Variants in YEATS2 observed in about 807,000 individuals in gnomAD.
YEATS2 encodes the protein YEATS domain-containing protein 2.
YEATS2 carries 77 observed loss-of-function variants against 163.2 expected under a neutral mutation model. The ratio of observed to expected loss-of-function variants is 0.47; its 90% confidence interval spans 0.39 to 0.57. YEATS2 has a LOEUF of 0.57. YEATS2 is among the 20% of genes least tolerant of loss of function. The pLI is 0.00. For synonymous variants in YEATS2, 631 were observed against 645.1 expected (o/e 0.98, Z 0.33); for missense variants, 1,549 against 1,729.8 (o/e 0.90, Z 1.85).
intron 27 of YEATS2, among the ~76,000 whole-genome samples, chr3:183,805,051 C>T (rs1271052987): frequency 6.6e-6 from 1 of 150,514 alleles, no homozygotes; most frequent in Non-Finnish European, 1.5e-5. Context: ...GGTGTAGGAG[C>T]AAGGGATTAA....
intron 19 of YEATS2, among the ~76,000 whole-genome samples, chr3:183,781,696 T>G (rs768025623): frequency 5.3e-4 from 81 of 152,096 alleles, no homozygotes; most frequent in Admixed American, 6.6e-4. Context: ...GCATAGATCA[T>G]AAGCGTAGAT....
Position 183,718,561 on chromosome 3 carries a change from A to G in YEATS2, c.260A>G (p.Tyr87Cys), listed in dbSNP as rs763963709. The G allele has an allele frequency of 3.7e-6, 6 of 1,613,450 alleles. No homozygotes were observed. Among genetic ancestry groups the G allele is most frequent in the South Asian group, 3.3e-5 (3 of 90,908 alleles). Reference protein sequence around the residue: ...KLRACIVANYYASAGLLKVSE... With the variant: ...KLRACIVANYCASAGLLKVSE... ...CGTGCCTGCATTGTAGCAAACTACT[A>G]TGCTTCTGCAGGTCTTCTAAAAGTT... Residue 87 changes from tyrosine to cysteine, a missense_variant, in exon 4 of 31, where the codon TAT becomes TGT. Coordinates refer to ENST00000305135, the MANE Select transcript of YEATS2 (RefSeq NM_018023.5).
At position 183,791,449 on chromosome 3, in the gene YEATS2, A is replaced by G. The variant is rs949803981; in HGVS notation, c.3097+469A>G. ...GATGAATTATTTTTGTTTAAAATCT[A>G]CGTATCAGATTTTGTCTGAGACTTT... On this transcript the variant is annotated intron_variant, in intron 21 of 30. Coordinates refer to ENST00000305135, the MANE Select transcript of YEATS2 (RefSeq NM_018023.5). Among the ~76,000 whole-genome samples, 16 of 152,356 alleles carry G rather than the reference A, an allele frequency of 1.1e-4. No individual in the cohort carries two copies. The East Asian group carries it at 2.5e-3, about 24-fold the overall frequency.
chr3:183,752,552 A>AC (rs1334530130), intron 10 of YEATS2, among the ~76,000 whole-genome samples: 1 of 151,682 alleles, frequency 6.6e-6, no homozygotes, highest in Non-Finnish European at 1.5e-5. Flanking sequence ...TACTAAAAAT[A>AC]CAAAAATTTA....
intron 12 of YEATS2, 62 bp from the exon 13 acceptor site, chr3:183,758,800 C>T: frequency 4.3e-6 from 5 of 1,160,602 alleles, no homozygotes; most frequent in Admixed American, 2.2e-5. Flanking sequence ...GGTAGAAATG[C>T]TTTAAAATTA....
chr3:183,746,183 C>T (rs1013375161), intron 8 of YEATS2, among the ~76,000 whole-genome samples: 3 of 152,200 alleles, frequency 2.0e-5, no homozygotes, highest in Admixed American at 6.5e-5. Flanking sequence ...CTGCGTCAGC[C>T]TCCTGAGTAG....
At chr3:183,761,724 C>T (rs376355377) in intron 14 of YEATS2, 110 bp downstream of exon 14, 12 of 1,000,466 alleles carry the variant, frequency 1.2e-5, no homozygotes, top group African/African-American at 4.8e-5. Flanking sequence ...GTCTCAACTC[C>T]TCATTCTGAG....
rs780416560 is a variant in YEATS2 at position 183,809,088 on chromosome 3, C to G, written c.4087-9C>G. 3.1e-6 allele frequency: 5 copies of G among 1,614,008 alleles called. No individual in the cohort carries two copies. In the South Asian group the frequency reaches 5.5e-5, roughly 18 times the overall value. On this transcript the variant is annotated splice_polypyrimidine_tract_variant and intron_variant, in intron 29 of 30. Transcript: ENST00000305135. The stretch of plus-strand genomic sequence containing the variant: ...GCCATTTGAAGAATAACAGCATCTT[C>G]CATTGTAGGCTACAGAACAGCTGGT...
At chr3:183,773,546 TAAG>T in intron 16 of YEATS2, 84 bp from the exon 17 acceptor site, 5 of 1,331,496 alleles carry the variant, frequency 3.8e-6, no homozygotes, top group Non-Finnish European at 5.1e-6. Context: ...TGTTCTAAAA[TAAG>T]AATTTATTGC....
intron 1 of YEATS2, among the ~76,000 whole-genome samples, chr3:183,708,117 CTAATT>C (rs1714808007): frequency 6.7e-6 from 1 of 149,630 alleles, no homozygotes; most frequent in African/African-American, 2.5e-5. Flanking sequence ...TTTCAAGTGT[CTAATT>C]TATCAGATTT....
At chr3:183,719,772 A>G (rs1230886030) in intron 4 of YEATS2, among the ~76,000 whole-genome samples, 2 of 151,936 alleles carry the variant, frequency 1.3e-5, no homozygotes, top group Non-Finnish European at 2.9e-5. Context: ...CCAACTCCAC[A>G]TAGCCTCCAC....
intron 2 of YEATS2, among the ~76,000 whole-genome samples, chr3:183,716,975 C>T (rs751250574): frequency 1.3e-5 from 2 of 151,980 alleles, no homozygotes; most frequent in Non-Finnish European, 2.9e-5. Context: ...TCACTGCCAC[C>T]TCTGCCTCCC....
chr3:183,797,726 T>G (rs778575761), intron 21 of YEATS2, among the ~76,000 whole-genome samples, 197 bp from the exon 22 acceptor site: 6 of 152,080 alleles, frequency 3.9e-5, no homozygotes, highest in Non-Finnish European at 8.8e-5. Flanking sequence ...AAAAAGTAAA[T>G]AAACAATTAT....
intron 8 of YEATS2, among the ~76,000 whole-genome samples, chr3:183,741,197 C>T (rs1046083958): frequency 1.3e-5 from 2 of 152,030 alleles, no homozygotes; most frequent in Non-Finnish European, 2.9e-5. Flanking sequence ...CCTCAGCCTC[C>T]CAAAGTGCTG....
At position 183,806,811 on chromosome 3, in the gene YEATS2, A is replaced by C. The variant is rs2108535972; in HGVS notation, c.3785-55A>C. 2.5e-6 allele frequency: 4 copies of C among 1,591,510 alleles called. No homozygotes were observed. The South Asian group carries it at 4.5e-5, about 18-fold the overall frequency. ...AGACCATGGGTCTCTTGGAGACGGAAAGTCCTCTTCCGTTGGCCCCACAGC... is the reference window on the plus strand; with the variant it reads ...AGACCATGGGTCTCTTGGAGACGGACAGTCCTCTTCCGTTGGCCCCACAGC... On this transcript the variant is annotated intron_variant, in intron 27 of 30. Transcript: ENST00000305135.
chr3:183,720,385 T>G (rs1716367820), intron 4 of YEATS2, among the ~76,000 whole-genome samples: 1 of 152,240 alleles, frequency 6.6e-6, no homozygotes, highest in Non-Finnish European at 1.5e-5. Flanking sequence ...TTTTTTTCTC[T>G]TTTTACTTTC....
chr3:183,772,375 A>C lies in YEATS2; in HGVS notation c.2018A>C (p.Gln673Pro). The change falls in exon 16 of 31, where the codon CAG becomes CCG. Residue 673 changes from glutamine to proline, a missense_variant. Coordinates refer to ENST00000305135, the MANE Select transcript of YEATS2 (RefSeq NM_018023.5). ...VKQAVAISGGQILVAKASSSV... is the reference protein window; with the variant it reads ...VKQAVAISGGPILVAKASSSV... Reference sequence around the variant, plus strand: ...CAGGCTGTGGCGATCAGTGGTGGCCAGATCCTGGTAGCCAAGGCCAGCTCT... The same window carrying C: ...CAGGCTGTGGCGATCAGTGGTGGCCCGATCCTGGTAGCCAAGGCCAGCTCT... The C allele has an allele frequency of 6.2e-7, 1 of 1,614,236 alleles. No individual in the cohort carries two copies. Among genetic ancestry groups the C allele is most frequent in the East Asian group, 2.2e-5 (1 of 44,884 alleles).
chr3:183,755,900 C>G (rs1341168647), intron 11 of YEATS2, among the ~76,000 whole-genome samples: 3 of 151,936 alleles, frequency 2.0e-5, no homozygotes. Flanking sequence ...GCATGCGCCA[C>G]CACACCCAGC....
Position 183,808,047 on chromosome 3 carries a change from G to T in YEATS2, c.4029G>T (p.Gln1343His). ...DVTQKIGITL[Q>H]PVALHRNVYA... is the part of the protein sequence containing the mutation. ...TTTTCCAGATTGGGATCACCCTGCA[G>T]CCCGTGGCACTCCACAGGAACGTGT... The change falls in exon 29 of 31, where the codon CAG (glutamine) becomes CAT (histidine). Residue 1343 changes from glutamine to histidine, a missense_variant. Gln to His is a conservative substitution (Grantham distance 24). Transcript: ENST00000305135. 6.4e-7 allele frequency: 1 copy of T among 1,562,994 alleles called. No individual in the cohort carries two copies. Among genetic ancestry groups the T allele is most frequent in the African/African-American group, 1.4e-5 (1 of 73,738 alleles).
Sources: gnomAD v4.1 joint callset for allele counts (sites outside exome capture counted in the v4.1 genomes callset) on GRCh38, gnomAD v4.1.1 for gene constraint, MANE v1.5 for transcripts, NCBI Gene and HGNC (gene_info 2026-07-23, HGNC 2026-07-21) for gene names.